Variants in BSDC1 observed in about 807,000 individuals in gnomAD.
BSDC1 encodes the protein BSD domain containing 1.
BSDC1 carries 29 observed loss-of-function variants against 56.0 expected under a neutral mutation model. That is an observed-to-expected ratio of 0.52 (90% CI 0.39 to 0.71). The LOEUF (loss-of-function observed/expected upper bound fraction) is 0.71. Ranked by LOEUF, BSDC1 falls within the 30% of genes least tolerant of loss-of-function variation. The pLI is 0.00. For missense variants in BSDC1, 477 were observed against 548.5 expected (o/e 0.87, Z 1.30); for synonymous variants, 210 against 215.3 (o/e 0.98, Z 0.21).
At chr1:32,376,870 C>T (rs961016630) in intron 8 of BSDC1, 129 bp from the exon 9 acceptor site, 4 of 1,081,694 alleles carry the variant, frequency 3.7e-6, no homozygotes, top group South Asian at 4.5e-5. Flanking sequence ...GTGGCTCACA[C>T]CTGTAATCCC....
chr1:32,379,174 T>C (rs1432808587), intron 5 of BSDC1, among the ~76,000 whole-genome samples: 1 of 152,188 alleles, frequency 6.6e-6, no homozygotes, highest in African/African-American at 2.4e-5. Context: ...TTCCCTCGTG[T>C]GACCATCTCT....
At chr1:32,372,763 T>C (rs986526584) in intron 9 of BSDC1, among the ~76,000 whole-genome samples, 21 of 152,180 alleles carry the variant, frequency 1.4e-4, no homozygotes, top group African/African-American at 4.8e-4. Flanking sequence ...ATTGCTAACT[T>C]TGTAGTGCTG....
At chr1:32,394,222 T>A in intron 1 of BSDC1, 82 bp from the exon 2 acceptor site, 1 of 1,563,440 alleles carries the variant, frequency 6.4e-7, no homozygotes, top group Admixed American at 1.8e-5. Flanking sequence ...CGCTCAGATG[T>A]ACCCTGCGGG....
rs761986602 is a variant in BSDC1, at chr1:32,368,431, C to T, written c.1260+16G>A. The stretch of plus-strand genomic sequence containing the variant: ...CCATTAGGCTCGCTTCCCTCTGACC[C>T]ACCAGGCCCACTCACCTCCCCGGAG... On this transcript the variant is annotated intron_variant, in intron 10 of 10. Transcript: ENST00000455895. 6.2e-7 allele frequency: 1 copy of T among 1,614,142 alleles called. No homozygotes were observed. Among genetic ancestry groups the T allele is most frequent in the East Asian group, 2.2e-5 (1 of 44,882 alleles).
At chr1:32,367,630 T>C (rs930682540) in intron 10 of BSDC1, 1 of 985,394 alleles carries the variant, frequency 1.0e-6, no homozygotes, top group Non-Finnish European at 1.2e-6. Context: ...TGTCACTTAT[T>C]AGCTGGGAGA....
intron 2 of BSDC1, among the ~76,000 whole-genome samples, chr1:32,390,383 G>A (rs951009971): frequency 5.3e-5 from 8 of 152,226 alleles, no homozygotes; most frequent in African/African-American, 1.9e-4. Flanking sequence ...GGAGATGGAA[G>A]AAGGTGGATT....
rs74064100 is a variant in BSDC1, at chr1:32,369,257, G to A, written c.1157-707C>T. 4.6e-3 allele frequency: 5,939 copies of A among 1,289,464 alleles called. 201 individuals carry two copies. The African/African-American group carries it at 0.08, about 17-fold the overall frequency. The allele number at this position is 1,289,464 out of a possible 1,614,324, so 79.9% of individuals were successfully genotyped here. A position where few individuals can be genotyped will look rare whatever the true frequency, so the allele number is the denominator to read the frequency against. The stretch of plus-strand genomic sequence containing the variant: ...CGGAAAAGGCAGGTTACTAAAGAGC[G>A]GAGAAGCACTTTGGCCCAGAGGCTC... On this transcript the variant is annotated intron_variant, in intron 9 of 10. Transcript: ENST00000455895.
chr1:32,377,194 G>A (rs910397907), intron 8 of BSDC1, among the ~76,000 whole-genome samples: 4 of 152,002 alleles, frequency 2.6e-5, no homozygotes, highest in Non-Finnish European at 5.9e-5. Context: ...CCATCACAAC[G>A]CTTCTGCAGA....
intron 2 of BSDC1, among the ~76,000 whole-genome samples, chr1:32,393,253 T>C (rs958396925): frequency 6.6e-6 from 1 of 152,250 alleles, no homozygotes; most frequent in Admixed American, 6.5e-5. Context: ...ATTGGCAAAT[T>C]ACCCACTGGC....
At chr1:32,370,388 T>C (rs982829475) in intron 9 of BSDC1, among the ~76,000 whole-genome samples, 1 of 152,156 alleles carries the variant, frequency 6.6e-6, no homozygotes, top group Admixed American at 6.5e-5. Context: ...GCCCTGTGAG[T>C]GCCAGGATCT....
At chr1:32,377,804 T>C (rs975536972) in intron 8 of BSDC1, among the ~76,000 whole-genome samples, 166 bp downstream of exon 8, 1 of 152,178 alleles carries the variant, frequency 6.6e-6, no homozygotes, top group Non-Finnish European at 1.5e-5. Context: ...ACTAGCCTTG[T>C]TCAATATCCC....
At chr1:32,372,985 G>A (rs1642146896) in intron 9 of BSDC1, among the ~76,000 whole-genome samples, 1 of 152,182 alleles carries the variant, frequency 6.6e-6, no homozygotes, top group Non-Finnish European at 1.5e-5. Flanking sequence ...ACAAAACATA[G>A]GTGGAAAGCA....
At chr1:32,367,489 ATG>A (rs1467275976) in intron 10 of BSDC1, 1 of 985,244 alleles carries the variant, frequency 1.0e-6, no homozygotes, top group Non-Finnish European at 1.2e-6. Context: ...GGCCCTTCAC[ATG>A]TCTCTCTAAT....
Position 32,376,658 on chromosome 1 carries a change from G to A in BSDC1, c.760C>T (p.Pro254Ser), listed in dbSNP as rs377604652. Reference sequence around the variant, plus strand: ...TCTTCACAGGGGCTCTGGGGGCCAGGTTCTCCTTCAGGGAATGTAGAAATT... The same window carrying A: ...TCTTCACAGGGGCTCTGGGGGCCAGATTCTCCTTCAGGGAATGTAGAAATT... Reference protein sequence around the residue: ...AKISTFPEGEPGPQSPCEENL... With the variant: ...AKISTFPEGESGPQSPCEENL... The change falls in exon 9 of 11, where the codon CCT becomes TCT. Residue 254 changes from proline to serine, a missense_variant. Coordinates refer to ENST00000455895, the MANE Select transcript of BSDC1 (RefSeq NM_018045.8). 38 of 1,424,142 alleles carry A rather than the reference G, an allele frequency of 2.7e-5. No individual in the cohort carries two copies. Among genetic ancestry groups the A allele is most frequent in the Non-Finnish European group, 3.5e-5 (38 of 1,076,976 alleles). 88.2% of individuals were successfully genotyped at this position (1,424,142 alleles called of 1,614,324 possible). A position where few individuals can be genotyped will look rare whatever the true frequency, so the allele number is the denominator to read the frequency against.
intron 2 of BSDC1, among the ~76,000 whole-genome samples, chr1:32,388,180 T>A (rs1461978538): frequency 6.6e-6 from 1 of 152,056 alleles, no homozygotes; most frequent in Non-Finnish European, 1.5e-5. Flanking sequence ...TTTTAAAGCA[T>A]GTTTTTGAGC....
At chr1:32,370,072 G>C (rs997408123) in intron 9 of BSDC1, among the ~76,000 whole-genome samples, 2 of 152,258 alleles carry the variant, frequency 1.3e-5, no homozygotes, top group African/African-American at 4.8e-5. Flanking sequence ...CTGCCTCGCA[G>C]GTTCAAGTGA....
intron 5 of BSDC1, 137 bp downstream of exon 5, chr1:32,381,077 G>A: frequency 1.3e-6 from 1 of 753,108 alleles, no homozygotes; most frequent in Non-Finnish European, 2.3e-6. Context: ...CAAAGTATAA[G>A]GTACACACTA....
intron 9 of BSDC1, among the ~76,000 whole-genome samples, chr1:32,372,972 G>A (rs1000756984): frequency 1.3e-5 from 2 of 152,178 alleles, no homozygotes; most frequent in African/African-American, 4.8e-5. Context: ...GACGAATGCT[G>A]TGACAAAACA....
At chr1:32,372,690 A>G (rs1453829366) in intron 9 of BSDC1, among the ~76,000 whole-genome samples, 3 of 152,236 alleles carry the variant, frequency 2.0e-5, no homozygotes, top group African/African-American at 7.2e-5. Flanking sequence ...GGCCTATGCT[A>G]CAATTTAAGA....
Sources: gnomAD v4.1 joint callset for allele counts (sites outside exome capture counted in the v4.1 genomes callset) on GRCh38, gnomAD v4.1.1 for gene constraint, MANE v1.5 for transcripts, NCBI Gene and HGNC (gene_info 2026-07-23, HGNC 2026-07-21) for gene names.